CNOT10: variants seen among roughly 807,000 people sequenced by gnomAD.
CNOT10 encodes the protein CCR4-NOT transcription complex subunit 10, also known as CCR4-NOT transcription complex, subunit 10.
In CNOT10, 30 loss-of-function variants were observed where a neutral mutation model predicts 94.6. That is an observed-to-expected ratio of 0.32 (90% confidence interval 0.24 to 0.43). CNOT10 has a LOEUF of 0.43. Among genes scored for constraint, CNOT10 ranks in the 20% least tolerant of loss-of-function variants. The pLI is 1.00. For synonymous variants in CNOT10, 289 were observed against 301.6 expected (o/e 0.96, Z 0.43); for missense variants, 759 against 877.2 (o/e 0.87, Z 1.70).
chr3:32,691,654 C>T (rs1559473911), intron 1 of CNOT10, among the ~76,000 whole-genome samples: 1 of 152,298 alleles, frequency 6.6e-6, no homozygotes, highest in East Asian at 1.9e-4. Flanking sequence ...CATCATAACA[C>T]TTCATCTCTA....
chr3:32,761,067 T>C (rs1042570096), intron 14 of CNOT10, among the ~76,000 whole-genome samples: 13 of 152,156 alleles, frequency 8.5e-5, no homozygotes, highest in African/African-American at 3.1e-4. Context: ...AGGCAGAAGC[T>C]GCAGTGAGCC....
intron 1 of CNOT10, among the ~76,000 whole-genome samples, chr3:32,697,482 T>C (rs1403863011): frequency 6.6e-6 from 1 of 151,886 alleles, no homozygotes; most frequent in Non-Finnish European, 1.5e-5. Context: ...TTATTATTAT[T>C]ATTTTTGAGA....
At chr3:32,748,894 A>C (rs1254163349) in intron 13 of CNOT10, among the ~76,000 whole-genome samples, 4 of 150,558 alleles carry the variant, frequency 2.7e-5, no homozygotes, top group African/African-American at 9.8e-5. Context: ...GCAGTGGCAC[A>C]GTCTTTGCTC....
intron 14 of CNOT10, among the ~76,000 whole-genome samples, chr3:32,761,023 G>T (rs1299366714): frequency 6.6e-6 from 1 of 151,952 alleles, no homozygotes; most frequent in Non-Finnish European, 1.5e-5. Flanking sequence ...CAGCTACTCG[G>T]GAGGCTGAGG....
intron 14 of CNOT10, among the ~76,000 whole-genome samples, chr3:32,762,194 TG>T (rs1415103096): frequency 1.8e-4 from 27 of 146,768 alleles, no homozygotes; most frequent in Admixed American, 4.7e-4. Context: ...CTGGGCATGG[TG>T]GCTCACGCCT....
chr3:32,686,319 A>G (rs538560738), intron 1 of CNOT10, among the ~76,000 whole-genome samples: 11 of 152,332 alleles, frequency 7.2e-5, no homozygotes, highest in African/African-American at 2.4e-4. Context: ...TTTAAAAGTG[A>G]TGGAACTTAA....
chr3:32,756,359 A>G (rs1700223353), intron 13 of CNOT10, among the ~76,000 whole-genome samples: 1 of 152,222 alleles, frequency 6.6e-6, no homozygotes, highest in African/African-American at 2.4e-5. Context: ...GCAGATTTTT[A>G]TATTCTACGT....
chr3:32,737,383 T>C, intron 12 of CNOT10, 27 bp from the exon 13 acceptor site: 1 of 1,480,986 alleles, frequency 6.8e-7, no homozygotes, highest in Middle Eastern at 1.8e-4. Context: ...TTGCTCTTCA[T>C]AATTAAGACT....
At chr3:32,729,239 G>T (rs1005854664) in intron 10 of CNOT10, among the ~76,000 whole-genome samples, 1 of 152,178 alleles carries the variant, frequency 6.6e-6, no homozygotes, top group African/African-American at 2.4e-5. Context: ...GATTGCCCAT[G>T]GTAGCTATGG....
chr3:32,687,453 T>TTTTTCTTTTTG (rs1696664051), intron 1 of CNOT10, among the ~76,000 whole-genome samples: 2 of 57,236 alleles, frequency 3.5e-5, no homozygotes, highest in Non-Finnish European at 3.2e-5. Flanking sequence ...TTTTTTTTTG[T>TTTTTCTTTTTG]TTTTTTTTTT....
intron 8 of CNOT10, among the ~76,000 whole-genome samples, chr3:32,721,728 G>A (rs2125552511): frequency 6.7e-6 from 1 of 149,284 alleles, no homozygotes; most frequent in Non-Finnish European, 1.5e-5. Flanking sequence ...CTCACTGCAA[G>A]CTCTGCCTCC....
intron 3 of CNOT10, among the ~76,000 whole-genome samples, chr3:32,707,645 A>C (rs1697684651): frequency 6.6e-6 from 1 of 152,020 alleles, no homozygotes; most frequent in Non-Finnish European, 1.5e-5. Flanking sequence ...CTCTACTAAA[A>C]ATACAAAATT....
chr3:32,695,821 CTG>C, intron 1 of CNOT10: 4 of 1,534,994 alleles, frequency 2.6e-6, no homozygotes, highest in Non-Finnish European at 3.5e-6. Context: ...TGTGCAGACT[CTG>C]TCTGGTAAGA....
chr3:32,746,797 A>C (rs556510339), intron 13 of CNOT10, among the ~76,000 whole-genome samples: 2 of 144,696 alleles, frequency 1.4e-5, no homozygotes, highest in South Asian at 4.4e-4. Flanking sequence ...AGATTGCACC[A>C]CTGCACTCCA....
intron 1 of CNOT10, among the ~76,000 whole-genome samples, chr3:32,690,204 T>C (rs950484722): frequency 5.3e-5 from 8 of 152,212 alleles, no homozygotes; most frequent in Non-Finnish European, 1.0e-4. Flanking sequence ...TGAAATCAGA[T>C]AGTTTAGGTT....
At position 32,757,643 on chromosome 3, in the gene CNOT10, T is replaced by TA. The variant is rs1333588331; in HGVS notation, c.1596-1813dup. 2.6e-5 allele frequency among the ~76,000 whole-genome samples: 4 copies of TA among 152,340 alleles called. No homozygotes were observed. In the East Asian group the frequency reaches 7.7e-4, roughly 29 times the overall value. Reference sequence around the variant, plus strand: ...ATACAAATAAGCCAAAAGGAGAAATTAAGTCACCAGTCTTGCCACACAGAC... The same window carrying TA: ...ATACAAATAAGCCAAAAGGAGAAATTAAAGTCACCAGTCTTGCCACACAGAC... On this transcript the variant is annotated intron_variant, in intron 13 of 18. Coordinates refer to ENST00000328834, the MANE Select transcript of CNOT10 (RefSeq NM_015442.3).
chr3:32,730,000 C>G (rs890370298), intron 10 of CNOT10, among the ~76,000 whole-genome samples: 22 of 151,636 alleles, frequency 1.5e-4, no homozygotes, highest in Non-Finnish European at 2.9e-4. Flanking sequence ...GATCTCCTGA[C>G]CTCGTGATCC....
intron 1 of CNOT10, chr3:32,695,671 A>G (rs866184690): frequency 1.3e-6 from 2 of 1,535,942 alleles, no homozygotes; most frequent in Middle Eastern, 1.7e-4. Context: ...TGGGTCAAAG[A>G]GCTCTGTACG....
At position 32,769,891 on chromosome 3, in the gene CNOT10, C is replaced by G. The variant is rs1256293617; in HGVS notation, c.2009C>G (p.Ala670Gly). Reference protein sequence around the residue: ...DKARKCLHQAASMIHPKEVPP... With the variant: ...DKARKCLHQAGSMIHPKEVPP... ...ATCTTTCTGTTTTGAGCAAAGGCGGCTTCAATGATCCATCCTAAAGAGGTG... is the reference window on the plus strand; with the variant it reads ...ATCTTTCTGTTTTGAGCAAAGGCGGGTTCAATGATCCATCCTAAAGAGGTG... The change falls in exon 18 of 19, where the codon GCT becomes GGT. Residue 670 changes from alanine (A) to glycine (G), a missense_variant. By Grantham distance (60) the Ala-to-Gly change is moderately conservative. Coordinates refer to ENST00000328834, the MANE Select transcript of CNOT10 (RefSeq NM_015442.3). 1 of 1,613,644 alleles carries G rather than the reference C, an allele frequency of 6.2e-7. No homozygotes were observed. Among genetic ancestry groups the G allele is most frequent in the Non-Finnish European group, 8.5e-7 (1 of 1,179,740 alleles).
Sources: allele counts gnomAD v4.1 joint callset (sites outside exome capture counted in the v4.1 genomes callset), GRCh38; gene constraint gnomAD v4.1.1; transcripts MANE v1.5; gene names NCBI Gene and HGNC (gene_info 2026-07-23, HGNC 2026-07-21).